DCAF8L2: variants seen among roughly 807,000 people sequenced by gnomAD.
The protein encoded by DCAF8L2 is DDB1 and CUL4 associated factor 8 like 2.
For missense variants in DCAF8L2, 430 were observed against 490.7 expected (o/e 0.88, Z 1.17); for synonymous variants, 200 against 190.9 (o/e 1.05, Z -0.39).
rs1052359254 is a variant in DCAF8L2 at position 27,749,421 on chromosome X, A to C, written c.*630A>C. 2.7e-5 allele frequency among the ~76,000 whole-genome samples: 3 copies of C among 112,243 alleles called. No homozygotes were observed. The Admixed American group carries it at 2.9e-4, about 11-fold the overall frequency. ...CTCAGAAAAGGAAAAGAGGAGAGGTACTATGTAGATTAATTCCTAACCAGA... is the reference window on the plus strand; with the variant it reads ...CTCAGAAAAGGAAAAGAGGAGAGGTCCTATGTAGATTAATTCCTAACCAGA... On this transcript the variant is annotated 3_prime_UTR_variant, in exon 5 of 5. Transcript: ENST00000451261.
chrX:27,682,315 A>G (rs925160800), intron 3 of DCAF8L2, among the ~76,000 whole-genome samples: 1 of 111,794 alleles, frequency 8.9e-6, no homozygotes, highest in Non-Finnish European at 1.9e-5. Flanking sequence ...AGTTTTTTTA[A>G]GGTCAAATTG....
chrX:27,615,881 T>C (rs1236584117), intron 1 of DCAF8L2, among the ~76,000 whole-genome samples: 1 of 111,146 alleles, frequency 9.0e-6, no homozygotes, highest in Non-Finnish European at 1.9e-5. Flanking sequence ...ACTAGAAACC[T>C]TTCTTTTTCC....
chrX:27,690,848 A>G (rs1930688019), intron 3 of DCAF8L2, among the ~76,000 whole-genome samples: 1 of 111,850 alleles, frequency 8.9e-6, no homozygotes, highest in Non-Finnish European at 1.9e-5. Context: ...ACAAAAAGTC[A>G]TTTTTTAGAA....
At position 27,747,291 on chromosome X, in the gene DCAF8L2, G is replaced by A. The variant is rs1363521092; in HGVS notation, c.396G>A (p.Glu132=). The A allele has an allele frequency of 6.3e-5, 35 of 555,726 alleles. No homozygotes were observed. The African/African-American group carries it at 1.2e-3, about 19-fold the overall frequency. 45.8% of individuals were successfully genotyped at this position (555,726 alleles called of 1,213,427 possible). ...EEGGEEEEEE[E]EEEEEEEEEE... ...GAGGGGAGGAGGAGGAAGAGGAGGAGGAGGAGGAGGAGGAGGAGGAGGAGG... is the reference window on the plus strand; with the variant it reads ...GAGGGGAGGAGGAGGAAGAGGAGGAAGAGGAGGAGGAGGAGGAGGAGGAGG... Residue 132 remains glutamate (E), a synonymous_variant, in exon 5 of 5, where the codon GAG becomes GAA. Coordinates refer to ENST00000451261, the MANE Select transcript of DCAF8L2 (RefSeq NM_001353450.2).
At chrX:27,549,923 G>A in the DCAF8L2 span, among the ~76,000 whole-genome samples, 1 of 111,758 alleles carries the variant, frequency 8.9e-6, no homozygotes, top group Admixed American at 9.5e-5. Context: ...GGGATATAAA[G>A]CACTTGCCCT....
chrX:27,518,528 A>G, the DCAF8L2 span: 1 of 354,857 alleles, frequency 2.8e-6, no homozygotes, highest in Non-Finnish European at 5.0e-6. Context: ...TCACGAGGTC[A>G]GGAGTTCGAG....
intron 2 of DCAF8L2, among the ~76,000 whole-genome samples, chrX:27,653,476 A>G (rs1011826044): frequency 9.0e-6 from 1 of 111,153 alleles, no homozygotes; most frequent in Non-Finnish European, 1.9e-5. Context: ...TCACCCCCCA[A>G]GTAGCTTCCT....
At chrX:27,528,016 AT>A in the DCAF8L2 span, among the ~76,000 whole-genome samples, 1 of 101,389 alleles carries the variant, frequency 9.9e-6, no homozygotes, top group Non-Finnish European at 1.9e-5. Flanking sequence ...TTTTAATTTA[AT>A]TAATTATTAA....
At chrX:27,671,797 C>A (rs1460753941) in intron 2 of DCAF8L2, among the ~76,000 whole-genome samples, 1 of 111,698 alleles carries the variant, frequency 9.0e-6, no homozygotes, top group East Asian at 2.8e-4. Flanking sequence ...TCACTTTCAA[C>A]TAAAATAATT....
chrX:27,655,961 C>T (rs1929335593), intron 2 of DCAF8L2, among the ~76,000 whole-genome samples: 1 of 111,643 alleles, frequency 9.0e-6, no homozygotes, highest in Non-Finnish European at 1.9e-5. Context: ...TGTCTCCTGA[C>T]CCTACCCTTT....
chrX:27,571,167 C>T, the DCAF8L2 span, among the ~76,000 whole-genome samples: 1 of 111,774 alleles, frequency 8.9e-6, no homozygotes, highest in African/African-American at 3.3e-5. Flanking sequence ...GGCTCAATAG[C>T]CTAGACTCCT....
chrX:27,537,086 G>T, the DCAF8L2 span, among the ~76,000 whole-genome samples: 1 of 111,758 alleles, frequency 8.9e-6, no homozygotes, highest in Non-Finnish European at 1.9e-5. Context: ...GTGACAGTTT[G>T]TATAGTTGGC....
chrX:27,614,228 G>C (rs186279189), intron 1 of DCAF8L2, among the ~76,000 whole-genome samples: 70 of 110,608 alleles, frequency 6.3e-4, no homozygotes, highest in African/African-American at 2.3e-3. Context: ...AGATTTTCTA[G>C]TTTATTTGCA....
At chrX:27,527,228 G>A in the DCAF8L2 span, among the ~76,000 whole-genome samples, 2 of 111,892 alleles carry the variant, frequency 1.8e-5, no homozygotes, top group African/African-American at 6.5e-5. Context: ...GCAATGGTGG[G>A]TGCCCCTCCC....
chrX:27,711,123 T>C (rs1444552209), intron 3 of DCAF8L2, among the ~76,000 whole-genome samples: 1 of 111,658 alleles, frequency 9.0e-6, no homozygotes, highest in African/African-American at 3.2e-5. Context: ...CATTAACTGA[T>C]TACTTCAGTA....
the DCAF8L2 span, among the ~76,000 whole-genome samples, chrX:27,515,735 A>G: frequency 1.8e-5 from 2 of 112,144 alleles, no homozygotes; most frequent in Non-Finnish European, 3.8e-5. Flanking sequence ...AGGAAATCCA[A>G]TGAAAGTTCA....
At chrX:27,742,880 G>C (rs1433199795) in intron 4 of DCAF8L2, among the ~76,000 whole-genome samples, 1 of 111,604 alleles carries the variant, frequency 9.0e-6, no homozygotes, top group Non-Finnish European at 1.9e-5. Flanking sequence ...TCAAACTAGT[G>C]TCTGCATTGG....
chrX:27,619,736 A>G (rs1927663759), intron 1 of DCAF8L2, among the ~76,000 whole-genome samples: 1 of 111,717 alleles, frequency 9.0e-6, no homozygotes, highest in Non-Finnish European at 1.9e-5. Flanking sequence ...CTAGTAGCCT[A>G]TTCAAATTCC....
rs933697915 is a variant in DCAF8L2 at position 27,641,885 on chromosome X, A to C, written c.-220+9885A>C. ...TAGTTTCAAGCAGTTTGATAAGGGT[A>C]CTTTTTTTAAATTTTTTTTTTGAGA... On this transcript the variant is annotated intron_variant, in intron 2 of 4. Coordinates refer to ENST00000451261, the MANE Select transcript of DCAF8L2 (RefSeq NM_001353450.2). 7.7e-5 allele frequency among the ~76,000 whole-genome samples: 7 copies of C among 91,446 alleles called. No individual in the cohort carries two copies. The East Asian group carries it at 1.8e-3, about 23-fold the overall frequency. 79.4% of individuals were successfully genotyped at this position (91,446 alleles called of 115,157 possible).
Sources: gnomAD v4.1 joint callset for allele counts (sites outside exome capture counted in the v4.1 genomes callset) on GRCh38, gnomAD v4.1.1 for gene constraint, MANE v1.5 for transcripts, NCBI Gene and HGNC (gene_info 2026-07-23, HGNC 2026-07-21) for gene names.